The following ESR1 variants were observed in gnomAD, a reference collection of about 807,000 sequenced individuals.
ESR1 encodes estrogen receptor 1, also known as estrogen receptor.
ESR1 carries 12 observed loss-of-function variants against 52.7 expected under a neutral mutation model. The ratio of observed to expected loss-of-function variants is 0.23; its 90% CI spans 0.15 to 0.37. The LOEUF is 0.37. Ranked by LOEUF, ESR1 falls within the 10% of genes least tolerant of loss-of-function variation. ESR1 has a pLI of 1.00. For missense variants in ESR1, 584 were observed against 779.7 expected (o/e 0.75, Z 2.99); for synonymous variants, 305 against 316.8 (o/e 0.96, Z 0.39).
intron 2 of ESR1, among the ~76,000 whole-genome samples, chr6:151,748,038 G>A (rs1423452275): frequency 6.6e-6 from 1 of 151,634 alleles, no homozygotes; most frequent in Non-Finnish European, 1.5e-5. Flanking sequence ...CCTATATTTA[G>A]CACTTCCAGG....
At chr6:151,660,067 A>G (rs964391961) in intron 1 of ESR1, among the ~76,000 whole-genome samples, 1 of 152,238 alleles carries the variant, frequency 6.6e-6, no homozygotes, top group African/African-American at 2.4e-5. Flanking sequence ...GCACTTTAGA[A>G]TTCAATAATT....
At position 152,098,944 on chromosome 6, in the gene ESR1, A is replaced by C; in HGVS notation, c.1766A>C (p.Glu589Ala). The C allele has an allele frequency of 1.2e-6, 2 of 1,614,032 alleles. No homozygotes were observed. The highest frequency in any genetic ancestry group is 1.7e-6 in the Non-Finnish European group (2 of 1,179,884). Residue 589 changes from glutamate to alanine, a missense_variant, in exon 8 of 8, where the codon GAG becomes GCG. By Grantham distance (107) the Glu-to-Ala change is moderately radical. Around this residue, in one of 6 missense-constraint regions of ESR1, gnomAD observed 71 missense variants for 66.1 expected, o/e 1.07. Transcript: ENST00000206249. The surrounding 1 kb of genome is among the most constrained non-coding windows in gnomAD (Gnocchi z 5.1). ...AAGTATTACATCACGGGGGAGGCAG[A>C]GGGTTTCCCTGCCACGGTCTGAGAG... ...LQKYYITGEAEGFPATV is the reference protein window; with the variant it reads ...LQKYYITGEAAGFPATV
intron 2 of ESR1, among the ~76,000 whole-genome samples, chr6:151,733,385 A>G: frequency 6.6e-6 from 1 of 152,192 alleles, no homozygotes. Context: ...CCTCTGCTTA[A>G]TTGTATGTTT....
chr6:152,006,492 T>C (rs1026616634), intron 4 of ESR1, among the ~76,000 whole-genome samples: 4 of 151,926 alleles, frequency 2.6e-5, no homozygotes, highest in African/African-American at 9.7e-5. Context: ...AATCGCAAAA[T>C]ATGGGACGTG....
intron 2 of ESR1, among the ~76,000 whole-genome samples, chr6:151,844,798 G>A (rs549469601): frequency 2.5e-4 from 38 of 151,736 alleles, no homozygotes; most frequent in Admixed American, 1.8e-3. Flanking sequence ...TAGATGTTCC[G>A]AGAGAAATAA....
Position 151,808,199 on chromosome 6 carries a change from G to C in ESR1, c.287G>C (p.Gly96Ala), listed in dbSNP as rs775313423. Reference sequence around the variant, plus strand: ...GCGTTCGGCTCCAACGGCCTGGGGGGTTTCCCCCCACTCAACAGCGTGTCT... The same window carrying C: ...GCGTTCGGCTCCAACGGCCTGGGGGCTTTCCCCCCACTCAACAGCGTGTCT... ...AAAFGSNGLG[G>A]FPPLNSVSPS... The change falls in exon 1 of 8, where the codon GGT becomes GCT. Residue 96 changes from glycine (G) to alanine (A), a missense_variant. Coordinates refer to ENST00000206249, the MANE Select transcript of ESR1 (RefSeq NM_000125.4). The C allele has an allele frequency of 6.3e-7, 1 of 1,575,320 alleles. No homozygotes were observed. The highest frequency in any genetic ancestry group is 1.3e-5 in the African/African-American group (1 of 74,326).
intron 2 of ESR1, among the ~76,000 whole-genome samples, chr6:151,735,947 G>A (rs1374563550): frequency 3.3e-5 from 5 of 152,048 alleles, no homozygotes; most frequent in East Asian, 1.9e-4. Flanking sequence ...ACCTTCACAC[G>A]CTGTCACTCT....
chr6:152,068,980 G>A (rs1042556189), intron 6 of ESR1, among the ~76,000 whole-genome samples: 1 of 137,140 alleles, frequency 7.3e-6, no homozygotes, highest in Non-Finnish European at 1.5e-5. Context: ...AGTATTGAGT[G>A]CTGCAGAGAC....
intron 2 of ESR1, among the ~76,000 whole-genome samples, chr6:151,716,112 G>A (rs1216950398): frequency 6.6e-6 from 1 of 152,168 alleles, no homozygotes; most frequent in African/African-American, 2.4e-5. Context: ...CAGGTCTGCT[G>A]GAGTTTGCTG....
At chr6:151,827,344 C>CAAA (rs11407983) in intron 1 of ESR1, among the ~76,000 whole-genome samples, 2,451 of 75,828 alleles carry the variant, frequency 0.032, 49 homozygotes, top group African/African-American at 0.05. Context: ...GACCCTGTCT[C>CAAA]AAAAAAAAAA....
chr6:152,105,775 C>CTTTTTTTT (rs71017522), downstream of ESR1, among the ~76,000 whole-genome samples: 22 of 79,434 alleles, frequency 2.8e-4, no homozygotes, highest in African/African-American at 8.0e-4. Context: ...CAGTATGCAT[C>CTTTTTTTT]TTTTTTTTTT....
At chr6:152,036,760 A>G (rs768523265) in intron 5 of ESR1, among the ~76,000 whole-genome samples, 3 of 152,352 alleles carry the variant, frequency 2.0e-5, no homozygotes, top group Middle Eastern at 3.4e-3. Flanking sequence ...TTACAACACA[A>G]TAAGACTCAA....
At chr6:151,791,840 CA>C (rs541529567) in intron 2 of ESR1, among the ~76,000 whole-genome samples, 26 of 150,756 alleles carry the variant, frequency 1.7e-4, no homozygotes, top group Admixed American at 9.2e-4. Flanking sequence ...GGTAAAATGT[CA>C]AAAAAAACCT....
chr6:152,006,082 T>C (rs962519916), intron 4 of ESR1, among the ~76,000 whole-genome samples: 1 of 151,902 alleles, frequency 6.6e-6, no homozygotes, highest in Non-Finnish European at 1.5e-5. Context: ...ACAGTGATGG[T>C]GATGTAGGGT....
At chr6:151,895,009 C>A (rs1429128826) in intron 3 of ESR1, among the ~76,000 whole-genome samples, 1 of 152,024 alleles carries the variant, frequency 6.6e-6, no homozygotes, top group African/African-American at 2.4e-5. Flanking sequence ...TGATTCTACT[C>A]ATCCATGAGC....
chr6:152,027,578 T>C (rs979862714), intron 5 of ESR1, among the ~76,000 whole-genome samples: 15 of 150,408 alleles, frequency 1.0e-4, no homozygotes, highest in African/African-American at 3.7e-4. Context: ...ACATTTTTTC[T>C]CAAGTATTTT....
intron 1 of ESR1, among the ~76,000 whole-genome samples, chr6:151,823,561 T>C (rs974739143): frequency 7.9e-5 from 12 of 152,206 alleles, no homozygotes; most frequent in Non-Finnish European, 1.6e-4. Context: ...CATGTTGGTG[T>C]GCTGCACCTA....
chr6:152,116,079 G>T (rs2051207204), intron 6 of ESR1, among the ~76,000 whole-genome samples: 1 of 152,138 alleles, frequency 6.6e-6, no homozygotes, highest in Admixed American at 6.5e-5. Context: ...TTAAAGGAGG[G>T]TATGAGGCAA....
chr6:151,964,272 T>G (rs929462542), intron 4 of ESR1, among the ~76,000 whole-genome samples: 1 of 152,180 alleles, frequency 6.6e-6, no homozygotes, highest in Non-Finnish European at 1.5e-5. Flanking sequence ...GCATAGATTT[T>G]TTTTAACAAT....
Sources: allele counts gnomAD v4.1 joint callset (sites outside exome capture counted in the v4.1 genomes callset), GRCh38; gene constraint gnomAD v4.1.1; regional missense constraint gnomAD v4.1.1; non-coding constraint Gnocchi (gnomAD v3.1); transcripts MANE v1.5; gene names NCBI Gene and HGNC (gene_info 2026-07-23, HGNC 2026-07-21).